The following UBOX5 variants were observed in gnomAD, a reference collection of about 807,000 sequenced individuals.
The protein encoded by UBOX5 is RING finger protein 37.
UBOX5 carries 28 observed loss-of-function variants against 39.0 expected under a neutral mutation model. The observed-to-expected ratio is 0.72, with a 90% CI of 0.53 to 0.98. The LOEUF is 0.98. Ranked by LOEUF, UBOX5 falls within the 50% of genes least tolerant of loss-of-function variation. The pLI is 0.00. For synonymous variants in UBOX5, 283 were observed against 275.5 expected (o/e 1.03, Z -0.27); for missense variants, 585 against 674.4 (o/e 0.87, Z 1.47).
chr20:3,123,577 T>C (rs902345755), intron 1 of UBOX5, among the ~76,000 whole-genome samples, 171 bp from the exon 2 acceptor site: 9 of 152,124 alleles, frequency 5.9e-5, no homozygotes, highest in Non-Finnish European at 1.2e-4. Context: ...GGGGAAAAAT[T>C]AGTCACTGAA....
At chr20:3,113,099 CG>C in intron 4 of UBOX5, among the ~76,000 whole-genome samples, 1 of 142,050 alleles carries the variant, frequency 7.0e-6, no homozygotes, top group Admixed American at 7.3e-5. Context: ...CATGGCGAAA[CG>C]CTGTCTCTAC....
intron 1 of UBOX5, among the ~76,000 whole-genome samples, chr20:3,154,198 G>A (rs2066661472): frequency 6.6e-6 from 1 of 152,194 alleles, no homozygotes; most frequent in Non-Finnish European, 1.5e-5. Context: ...CAGGACAAGA[G>A]CTGTGAACAG....
chr20:3,109,574 G>A lies in UBOX5; in HGVS notation c.*532C>T. On this transcript the variant is annotated 3_prime_UTR_variant, in exon 5 of 5. Transcript: ENST00000217173. ...GTGCAGGTGGGCGACAGGAGTGTGT[G>A]ACACAGACAGGCACTCCACCAGGAG... The A allele has an allele frequency of 1.8e-5, 3 of 168,112 alleles. No homozygotes were observed. The highest frequency in any genetic ancestry group is 3.2e-4 in the South Asian group (2 of 6,304). The allele number at this position is 168,112 out of a possible 1,614,324, so 10.4% of individuals were successfully genotyped here.
At chr20:3,133,490 C>T (rs1040767009) in intron 1 of UBOX5, among the ~76,000 whole-genome samples, 3 of 151,936 alleles carry the variant, frequency 2.0e-5, no homozygotes, top group African/African-American at 7.3e-5. Flanking sequence ...GGCTAATGTG[C>T]CCTGCTTTCA....
intron 1 of UBOX5, among the ~76,000 whole-genome samples, chr20:3,133,724 A>C (rs1369397834): frequency 1.3e-5 from 2 of 149,636 alleles, no homozygotes; most frequent in African/African-American, 4.9e-5. Context: ...CTTTTTGCCA[A>C]GGGGTAAGCT....
chr20:3,153,078 G>A (rs893602542), intron 1 of UBOX5, among the ~76,000 whole-genome samples: 2 of 152,170 alleles, frequency 1.3e-5, no homozygotes, highest in South Asian at 4.1e-4. Flanking sequence ...CTAATATTGA[G>A]TGGAACAAAT....
chr20:3,127,036 CAAAAAAAAAAAAA>C (rs10579307), intron 1 of UBOX5, among the ~76,000 whole-genome samples: 1 of 66,154 alleles, frequency 1.5e-5, no homozygotes, highest in Non-Finnish European at 2.7e-5. Flanking sequence ...AACTCCGTCT[CAAAAAAAAAAAAA>C]AAAAAAAAAA....
At chr20:3,147,119 C>T in intron 1 of UBOX5, 2 of 1,613,856 alleles carry the variant, frequency 1.2e-6, no homozygotes, top group Non-Finnish European at 1.7e-6. Flanking sequence ...GGGCTGCTGC[C>T]CAGGCTCTGA....
At chr20:3,116,094 G>T (rs545725229) in intron 3 of UBOX5, among the ~76,000 whole-genome samples, 7 of 152,168 alleles carry the variant, frequency 4.6e-5, no homozygotes, top group African/African-American at 1.7e-4. Context: ...GAAAATAACT[G>T]GGGCAAGCAA....
intron 1 of UBOX5, among the ~76,000 whole-genome samples, chr20:3,133,103 T>A (rs905507932): frequency 4.6e-5 from 7 of 152,170 alleles, no homozygotes; most frequent in East Asian, 3.9e-4. Context: ...AGATCTTTTT[T>A]AAAAATATCT....
chr20:3,150,516 A>G (rs908506202), intron 1 of UBOX5: 3 of 152,232 alleles, frequency 2.0e-5, no homozygotes, highest in African/African-American at 7.2e-5. Flanking sequence ...CTTAATGCTT[A>G]TTCTTTTTCT....
chr20:3,142,007 TTTTTC>T (rs375226787), intron 1 of UBOX5, among the ~76,000 whole-genome samples: 2,930 of 150,494 alleles, frequency 0.019, 38 homozygotes, highest in Middle Eastern at 0.035. Context: ...AGTGAGACCC[TTTTTC>T]TTTTCTTTTC....
chr20:3,158,099 C>T (rs2066707239), intron 1 of UBOX5, among the ~76,000 whole-genome samples: 1 of 152,092 alleles, frequency 6.6e-6, no homozygotes, highest in African/African-American at 2.4e-5. Flanking sequence ...CACCACCACG[C>T]CTGGCTACAT....
intron 4 of UBOX5, among the ~76,000 whole-genome samples, chr20:3,113,517 T>G (rs922342065): frequency 1.3e-5 from 2 of 151,878 alleles, no homozygotes; most frequent in African/African-American, 4.8e-5. Context: ...TGAGCCACAG[T>G]AAGGCGAGGA....
Position 3,149,989 on chromosome 20 carries a change from A to T in UBOX5, c.-42+9777T>A, listed in dbSNP as rs931227211. Reference sequence around the variant, plus strand: ...AGCCAAGACCGTGCCACTGCACTCCAGCCTAGGCGAAAAAGTGAGACTCCA... The same window carrying T: ...AGCCAAGACCGTGCCACTGCACTCCTGCCTAGGCGAAAAAGTGAGACTCCA... On this transcript the variant is annotated intron_variant, in intron 1 of 4. Transcript: ENST00000217173. This position sits in a 1 kb window ranked among gnomAD's most constrained non-coding sequence, Gnocchi z 4.1. Among the ~76,000 whole-genome samples the T allele has an allele frequency of 6.6e-6, 1 of 151,540 alleles. No individual in the cohort carries two copies. The highest frequency in any genetic ancestry group is 2.4e-5 in the African/African-American group (1 of 41,204).
intron 3 of UBOX5, among the ~76,000 whole-genome samples, chr20:3,115,986 AC>A (rs986167334): frequency 2.5e-4 from 38 of 151,778 alleles, no homozygotes; most frequent in Non-Finnish European, 8.8e-5. Context: ...AGATCTCCTG[AC>A]CTCGTGATCC....
intron 3 of UBOX5, among the ~76,000 whole-genome samples, chr20:3,119,284 C>G (rs2066316563): frequency 6.6e-6 from 1 of 152,158 alleles, no homozygotes; most frequent in Admixed American, 6.5e-5. Flanking sequence ...GGCCTCAGTC[C>G]AACAATGCAT....
chr20:3,112,400 C>T (rs886856401), intron 4 of UBOX5, among the ~76,000 whole-genome samples: 1 of 149,600 alleles, frequency 6.7e-6, no homozygotes, highest in Non-Finnish European at 1.5e-5. Flanking sequence ...CTCAGAGGCC[C>T]AGAGCCCCAG....
chr20:3,150,584 TG>T (rs1281582181), intron 1 of UBOX5: 2 of 152,192 alleles, frequency 1.3e-5, no homozygotes, highest in African/African-American at 4.8e-5. Context: ...AGTTGTCAAC[TG>T]ATGTACCAGA....
Sources: gnomAD v4.1 joint callset for allele counts (sites outside exome capture counted in the v4.1 genomes callset) on GRCh38, gnomAD v4.1.1 for gene constraint, Gnocchi (gnomAD v3.1) non-coding constraint, MANE v1.5 for transcripts, NCBI Gene and HGNC (gene_info 2026-07-23, HGNC 2026-07-21) for gene names.